Variants in SPMAP2L observed in about 807,000 individuals in gnomAD.
SPMAP2L encodes the protein sperm microtubule associated protein 2-like.
At chr4:56,551,935 G>A in the SPMAP2L span, among the ~76,000 whole-genome samples, 1 of 152,134 alleles carries the variant, frequency 6.6e-6, no homozygotes, top group Non-Finnish European at 1.5e-5. Context: ...CTCTTATGTG[G>A]TACCCAGTAC....
At chr4:56,617,176 T>C in the SPMAP2L span, among the ~76,000 whole-genome samples, 1 of 152,042 alleles carries the variant, frequency 6.6e-6, no homozygotes, top group Non-Finnish European at 1.5e-5. Context: ...CTGTTGCTCC[T>C]CAGCTACAAA....
chr4:56,533,934 A>G, the SPMAP2L span, among the ~76,000 whole-genome samples: 1 of 152,188 alleles, frequency 6.6e-6, no homozygotes, highest in Non-Finnish European at 1.5e-5. Context: ...CCTGGGCAGC[A>G]GAACAAGACT....
the SPMAP2L span, among the ~76,000 whole-genome samples, chr4:56,614,651 TA>T: frequency 3.1e-4 from 46 of 146,096 alleles, no homozygotes; most frequent in Middle Eastern, 3.5e-3. Context: ...GAGATCCGTC[TA>T]AAAAAAAAAA....
chr4:56,560,778 C>T, the SPMAP2L span, among the ~76,000 whole-genome samples: 1 of 152,070 alleles, frequency 6.6e-6, no homozygotes, highest in Non-Finnish European at 1.5e-5. Flanking sequence ...CAGAGTCTTG[C>T]TCTGTTACTC....
At chr4:56,610,255 G>A in the SPMAP2L span, among the ~76,000 whole-genome samples, 1 of 151,914 alleles carries the variant, frequency 6.6e-6, no homozygotes. Flanking sequence ...TAGGCACATA[G>A]TCCAATGGAA....
chr4:56,604,818 A>G, the SPMAP2L span, among the ~76,000 whole-genome samples: 1 of 152,210 alleles, frequency 6.6e-6, no homozygotes, highest in East Asian at 1.9e-4. Flanking sequence ...AATACTACTC[A>G]GTCGTAAAAC....
the SPMAP2L span, among the ~76,000 whole-genome samples, chr4:56,543,925 TATGTGAGAGAGAGA>T: frequency 1.1e-5 from 1 of 93,366 alleles, no homozygotes; most frequent in Non-Finnish European, 2.2e-5. Context: ...TGTGTGTGTG[TATGTGAGAGAGAGA>T]GAGAGAGAGA....
the SPMAP2L span, among the ~76,000 whole-genome samples, chr4:56,578,351 T>C: frequency 6.6e-6 from 1 of 151,956 alleles, no homozygotes; most frequent in Non-Finnish European, 1.5e-5. Flanking sequence ...TTTTAAAATG[T>C]AATAAAATAA....
the SPMAP2L span, among the ~76,000 whole-genome samples, chr4:56,554,976 G>A: frequency 9.5e-6 from 1 of 105,370 alleles, no homozygotes; most frequent in Non-Finnish European, 1.8e-5. Context: ...TTTCACTCTT[G>A]TTGCTCAGGC....
chr4:56,623,722 A>G, the SPMAP2L span, among the ~76,000 whole-genome samples: 1 of 151,696 alleles, frequency 6.6e-6, no homozygotes, highest in Non-Finnish European at 1.5e-5. Flanking sequence ...CTTCCTCCTC[A>G]TTTTTTCTCT....
chr4:56,547,300 C>T, the SPMAP2L span, among the ~76,000 whole-genome samples: 1 of 146,736 alleles, frequency 6.8e-6, no homozygotes, highest in African/African-American at 2.5e-5. Context: ...GGCTGAAGTG[C>T]GGTGGTGCAA....
At chr4:56,563,338 A>C in the SPMAP2L span, among the ~76,000 whole-genome samples, 1 of 149,580 alleles carries the variant, frequency 6.7e-6, no homozygotes, top group South Asian at 2.1e-4. Flanking sequence ...TTCTGACCTC[A>C]TGGGATCTGC....
the SPMAP2L span, among the ~76,000 whole-genome samples, chr4:56,582,361 CAAAT>C: frequency 0.019 from 2,902 of 152,000 alleles, 81 homozygotes; most frequent in African/African-American, 0.064. Context: ...CAATAAAAGA[CAAAT>C]AACCCAATTT....
At chr4:56,540,468 G>A in the SPMAP2L span, among the ~76,000 whole-genome samples, 362 of 152,178 alleles carry the variant, frequency 2.4e-3, 6 homozygotes, top group African/African-American at 7.8e-3. Context: ...GCTTGAACCC[G>A]GTAGGCAGAG....
the SPMAP2L span, among the ~76,000 whole-genome samples, chr4:56,572,935 G>A: frequency 1.3e-5 from 2 of 151,432 alleles, no homozygotes; most frequent in Middle Eastern, 3.4e-3. Flanking sequence ...AGAATTCCTT[G>A]AACCCAGGAG....
the SPMAP2L span, among the ~76,000 whole-genome samples, chr4:56,619,784 C>A: frequency 6.6e-6 from 1 of 152,124 alleles, no homozygotes; most frequent in South Asian, 2.1e-4. Context: ...AAAAGGCAAT[C>A]CGTGAAGTGG....
At chr4:56,588,413 T>A in the SPMAP2L span, among the ~76,000 whole-genome samples, 1 of 152,130 alleles carries the variant, frequency 6.6e-6, no homozygotes, top group Admixed American at 6.5e-5. Flanking sequence ...GAAGGGTTTT[T>A]CCAGTGTCAT....
the SPMAP2L span, among the ~76,000 whole-genome samples, chr4:56,567,148 A>G: frequency 6.6e-6 from 1 of 152,140 alleles, no homozygotes; most frequent in Admixed American, 6.6e-5. Flanking sequence ...AATAAGAAAA[A>G]GCGTTTTATA....
the SPMAP2L span, among the ~76,000 whole-genome samples, chr4:56,624,010 A>C: frequency 3.3e-5 from 5 of 152,174 alleles, no homozygotes; most frequent in Non-Finnish European, 7.4e-5. Flanking sequence ...AAAATGTGGG[A>C]AAGTTTGGAC....
Sources: gnomAD v4.1 joint callset for allele counts (sites outside exome capture counted in the v4.1 genomes callset) on GRCh38, gnomAD v4.1.1 for gene constraint, MANE v1.5 for transcripts, NCBI Gene and HGNC (gene_info 2026-07-23, HGNC 2026-07-21) for gene names.